SZRD1: variants seen among roughly 807,000 people sequenced by gnomAD.
SZRD1 encodes SUZ RNA-binding domain-containing.
A neutral mutation model predicts 17.6 loss-of-function variants in SZRD1; 7 were observed. That is an observed-to-expected ratio of 0.40 (90% CI 0.23 to 0.75). The LOEUF (loss-of-function observed/expected upper bound fraction) is 0.75. SZRD1 is among the 30% of genes least tolerant of loss of function. The pLI, the probability that SZRD1 is intolerant of heterozygous loss-of-function variation, is 0.38. For missense variants in SZRD1, 178 were observed against 201.8 expected, an observed-to-expected ratio of 0.88 and a Z score of 0.71; for synonymous variants, 77 against 77.9, an observed-to-expected ratio of 0.99 and a Z score of 0.06.
intron 1 of SZRD1, chr1:16,369,500 C>T (rs2082875686): frequency 6.5e-6 from 6 of 919,064 alleles, no homozygotes; most frequent in Non-Finnish European, 1.1e-5. Context: ...TTTTTGCCCC[C>T]CTTCACCACA....
At position 16,395,876 on chromosome 1, in the gene SZRD1, C is replaced by G. The variant is rs1377760859; in HGVS notation, c.*736C>G. ...AGCACCCCATGCCTATACCTCCCTCCCCGAGCTAAGTCCCAGGGCATCTGG... is the reference window on the plus strand; with the variant it reads ...AGCACCCCATGCCTATACCTCCCTCGCCGAGCTAAGTCCCAGGGCATCTGG... On this transcript the variant is annotated 3_prime_UTR_variant, in exon 4 of 4. Transcript: ENST00000401088. 6.5e-6 allele frequency: 1 copy of G among 152,832 alleles called. No individual in the cohort carries two copies. Among genetic ancestry groups the G allele is most frequent in the Non-Finnish European group, 1.5e-5 (1 of 68,192 alleles). 9.5% of individuals were successfully genotyped at this position (152,832 alleles called of 1,614,324 possible). A position where few individuals can be genotyped will look rare whatever the true frequency, so the allele number is the denominator to read the frequency against.
chr1:16,391,270 G>T lies in SZRD1; in HGVS notation c.52-105G>T. The T allele has an allele frequency of 1.2e-6, 1 of 832,486 alleles. No homozygotes were observed. The highest frequency in any genetic ancestry group is 1.9e-6 in the Non-Finnish European group (1 of 514,420). The allele number at this position is 832,486 out of a possible 1,614,324, so 51.6% of individuals were successfully genotyped here. A position where few individuals can be genotyped will look rare whatever the true frequency, so the allele number is the denominator to read the frequency against. ...TTGTTATGTTGAAGGACACAGTCAT[G>T]TCCCTGGCTAGAGAAAGGACACTGC... On this transcript the variant is annotated intron_variant, in intron 1 of 3. Coordinates refer to ENST00000401088, the MANE Select transcript of SZRD1 (RefSeq NM_001114600.3). This position sits in a 1 kb window ranked among gnomAD's most constrained non-coding sequence, Gnocchi z 4.3.
At position 16,393,398 on chromosome 1, in the gene SZRD1, G is replaced by A; in HGVS notation, c.272G>A (p.Arg91Gln). The change falls in exon 3 of 4, where the codon CGA becomes CAA. Residue 91 changes from arginine to glutamine, a missense_variant. Physicochemically the swap from Arg to Gln is conservative, Grantham distance 43 (BLOSUM62 1). Transcript: ENST00000401088. The surrounding 1 kb of genome is among the most constrained non-coding windows in gnomAD (Gnocchi z 5.6). ...PTLPVKSLAQ[R>Q]EAEYAEARKR... ...CTTCCAGTCAAGTCCCTAGCACAGC[G>A]AGAGGCCGAGTACGCCGAGGCCCGG... 6.2e-7 allele frequency: 1 copy of A among 1,614,186 alleles called. No individual in the cohort carries two copies. Among genetic ancestry groups the A allele is most frequent in the Non-Finnish European group, 8.5e-7 (1 of 1,180,058 alleles).
intron 1 of SZRD1, chr1:16,387,189 GGGGACAGA>G: frequency 2.4e-6 from 1 of 415,384 alleles, no homozygotes; most frequent in Non-Finnish European, 4.8e-6. Flanking sequence ...GTTCTAGTTT[GGGGACAGA>G]GGCGCATTTA....
Position 16,391,802 on chromosome 1 carries a change from G to T in SZRD1, c.101+378G>T, listed in dbSNP as rs2085225627. Among the ~76,000 whole-genome samples the T allele has an allele frequency of 6.6e-6, 1 of 152,156 alleles. No individual in the cohort carries two copies. Among genetic ancestry groups the T allele is most frequent in the Non-Finnish European group, 1.5e-5 (1 of 68,026 alleles). ...TGTGGCATGAGGAGTGTGGGCAGATGATTTCTCTGGGTCCCCAGTGACTTG... is the reference window on the plus strand; with the variant it reads ...TGTGGCATGAGGAGTGTGGGCAGATTATTTCTCTGGGTCCCCAGTGACTTG... On this transcript the variant is annotated intron_variant, in intron 2 of 3. Transcript: ENST00000401088. The surrounding 1 kb of genome is among the most constrained non-coding windows in gnomAD (Gnocchi z 4.3).
Position 16,368,218 on chromosome 1 carries a change from CT to C in SZRD1, c.51+917del, listed in dbSNP as rs139014552. Among the ~76,000 whole-genome samples the C allele has an allele frequency of 6.5e-3, 986 of 152,224 alleles. 7 individuals carry two copies. The highest frequency in any genetic ancestry group is 0.023 in the African/African-American group (938 of 41,516). On this transcript the variant is annotated intron_variant, in intron 1 of 3. Coordinates refer to ENST00000401088, the MANE Select transcript of SZRD1 (RefSeq NM_001114600.3). Reference sequence around the variant, plus strand: ...TGACCCTTGTGAATATGGGGAGATGCTTTTTTTGTCTCCCCGTGTTCGCGTC... The same window carrying C: ...TGACCCTTGTGAATATGGGGAGATGCTTTTTTGTCTCCCCGTGTTCGCGTC...
At chr1:16,380,384 T>C (rs1248340302) in intron 1 of SZRD1, among the ~76,000 whole-genome samples, 2 of 151,612 alleles carry the variant, frequency 1.3e-5, no homozygotes, top group South Asian at 2.1e-4. Context: ...AGCTCACTGC[T>C]GAGATCCTCC....
chr1:16,372,301 CGT>C (rs1391512702), intron 1 of SZRD1, among the ~76,000 whole-genome samples: 2 of 152,054 alleles, frequency 1.3e-5, no homozygotes, highest in Non-Finnish European at 2.9e-5. Flanking sequence ...GGTGAAACCC[CGT>C]CTCTATTAAA....
Position 16,396,439 on chromosome 1 carries a change from C to G in SZRD1, c.*1299C>G, listed in dbSNP as rs61769431. ...CCTAGGCTACCCGTCACCCCTTTTT[C>G]CAGAGCGAGGGCCTGGAATGAAGGC... On this transcript the variant is annotated 3_prime_UTR_variant, in exon 4 of 4. Coordinates refer to ENST00000401088, the MANE Select transcript of SZRD1 (RefSeq NM_001114600.3). 0.084 allele frequency: 12,756 copies of G among 152,244 alleles called. 702 individuals are homozygous for G. The highest frequency in any genetic ancestry group is 0.12 in the Non-Finnish European group (8,438 of 68,006). 9.4% of individuals were successfully genotyped at this position (152,244 alleles called of 1,614,324 possible). A position where few individuals can be genotyped will look rare whatever the true frequency, so the allele number is the denominator to read the frequency against.
At chr1:16,378,748 T>G (rs1036624606) in intron 1 of SZRD1, among the ~76,000 whole-genome samples, 1 of 151,998 alleles carries the variant, frequency 6.6e-6, no homozygotes, top group Non-Finnish European at 1.5e-5. Context: ...CTTTATTTAT[T>G]TATTTTGAGA....
chr1:16,391,297 C>T lies in SZRD1; in HGVS notation c.52-78C>T. On this transcript the variant is annotated intron_variant, in intron 1 of 3. Coordinates refer to ENST00000401088, the MANE Select transcript of SZRD1 (RefSeq NM_001114600.3). The surrounding 1 kb of genome is among the most constrained non-coding windows in gnomAD (Gnocchi z 4.3). ...CCCTGGCTAGAGAAAGGACACTGCC[C>T]TTAGCTCCAAAAATAAAGACTAAGT... 1 of 1,101,576 alleles carries T rather than the reference C, an allele frequency of 9.1e-7. No homozygotes were observed. The highest frequency in any genetic ancestry group is 2.0e-4 in the Middle Eastern group (1 of 4,946). 68.2% of individuals were successfully genotyped at this position (1,101,576 alleles called of 1,614,324 possible). A position where few individuals can be genotyped will look rare whatever the true frequency, so the allele number is the denominator to read the frequency against.
chr1:16,379,573 G>A (rs1042894391), intron 1 of SZRD1, among the ~76,000 whole-genome samples: 6 of 152,136 alleles, frequency 3.9e-5, no homozygotes, highest in African/African-American at 1.4e-4. Flanking sequence ...AATGCCTAAG[G>A]CAGCCTGAGC....
chr1:16,397,568 C>T lies in SZRD1; in HGVS notation c.*2428C>T, dbSNP rs2085332979. The T allele has an allele frequency of 6.6e-6, 1 of 152,284 alleles. No individual in the cohort carries two copies. The allele number at this position is 152,284 out of a possible 1,614,324, so 9.4% of individuals were successfully genotyped here. A position where few individuals can be genotyped will look rare whatever the true frequency, so the allele number is the denominator to read the frequency against. On this transcript the variant is annotated 3_prime_UTR_variant, in exon 4 of 4. Transcript: ENST00000401088. The surrounding 1 kb of genome is among the most constrained non-coding windows in gnomAD (Gnocchi z 5.4). Reference sequence around the variant, plus strand: ...AGGCTGCTGCCCCTTTATCTGCCTTCACGGTACTGTCCCCTTCCCCCAGCT... The same window carrying T: ...AGGCTGCTGCCCCTTTATCTGCCTTTACGGTACTGTCCCCTTCCCCCAGCT...
chr1:16,388,736 A>G (rs1054354951), intron 1 of SZRD1, among the ~76,000 whole-genome samples: 1 of 118,786 alleles, frequency 8.4e-6, no homozygotes, highest in Non-Finnish European at 1.6e-5. Context: ...CCCAGGCTGG[A>G]GTGCAGTGGT....
intron 1 of SZRD1, among the ~76,000 whole-genome samples, chr1:16,388,442 A>T (rs1452030657): frequency 6.6e-6 from 1 of 152,134 alleles, no homozygotes; most frequent in Non-Finnish European, 1.5e-5. Flanking sequence ...AGTTAGTACC[A>T]ATCAGGATAG....
At chr1:16,375,397 C>A (rs1014665311) in intron 1 of SZRD1, among the ~76,000 whole-genome samples, 1 of 152,088 alleles carries the variant, frequency 6.6e-6, no homozygotes, top group African/African-American at 2.4e-5. Context: ...CTCACTGAAC[C>A]TCTGCCTTCC....
Position 16,395,054 on chromosome 1 carries a change from C to G in SZRD1, c.373C>G (p.Gln125Glu). 1 of 1,612,718 alleles carries G rather than the reference C, an allele frequency of 6.2e-7. No homozygotes were observed. ...TCCTTTCAGGCCAACCAGGATCTCC[C>G]AACCCGAAGACAGCAGGCAGCCCAA... ...PILDRPTRIS[Q>E]PEDSRQPNNV... is the part of the protein sequence containing the mutation. The change falls in exon 4 of 4, where the codon CAA becomes GAA. Residue 125 changes from glutamine to glutamate, a missense_variant. Gln to Glu is a conservative substitution (Grantham distance 29). Transcript: ENST00000401088.
Position 16,393,731 on chromosome 1 carries a change from C to T in SZRD1, c.356+249C>T, listed in dbSNP as rs1287554216. On this transcript the variant is annotated intron_variant, in intron 3 of 3. Transcript: ENST00000401088. This position sits in a 1 kb window ranked among gnomAD's most constrained non-coding sequence, Gnocchi z 5.6. Reference sequence around the variant, plus strand: ...ATGCTCCCTCTGCGGTTGGTAGTCACCGGGGGCACTGTTGTGTAGAGAGTG... The same window carrying T: ...ATGCTCCCTCTGCGGTTGGTAGTCATCGGGGGCACTGTTGTGTAGAGAGTG... Among the ~76,000 whole-genome samples the T allele has an allele frequency of 1.3e-5, 2 of 152,176 alleles. No individual in the cohort carries two copies. Among genetic ancestry groups the T allele is most frequent in the Non-Finnish European group, 2.9e-5 (2 of 68,032 alleles).
intron 1 of SZRD1, chr1:16,387,218 G>T (rs2085140502): frequency 2.3e-6 from 1 of 444,228 alleles, no homozygotes; most frequent in Admixed American, 2.6e-5. Flanking sequence ...CTCAGACATG[G>T]CCTACGATGT....
Sources: gnomAD v4.1 joint callset for allele counts (sites outside exome capture counted in the v4.1 genomes callset) on GRCh38, gnomAD v4.1.1 for gene constraint, Gnocchi (gnomAD v3.1) non-coding constraint, MANE v1.5 for transcripts, NCBI Gene and HGNC (gene_info 2026-07-23, HGNC 2026-07-21) for gene names.